Variants in PIK3C2G observed in about 807,000 individuals in gnomAD.
The protein encoded by PIK3C2G is phosphatidylinositol-4-phosphate 3-kinase catalytic subunit type 2 gamma, also known as phosphatidylinositol 3-kinase C2 domain-containing subunit gamma.
A neutral mutation model predicts 181.1 loss-of-function variants in PIK3C2G; 168 were observed. The observed-to-expected ratio is 0.93, with a 90% CI of 0.82 to 1.05. PIK3C2G has a LOEUF of 1.05. Among genes scored for constraint, PIK3C2G ranks in the 50% least tolerant of loss-of-function variants. The pLI is 0.00. For missense variants in PIK3C2G, 1,869 were observed against 1,732.8 expected (o/e 1.08, Z -1.40); for synonymous variants, 573 against 592.2 (o/e 0.97, Z 0.47).
chr12:18,573,309 T>G (rs1290673143), intron 29 of PIK3C2G, among the ~76,000 whole-genome samples: 1 of 152,206 alleles, frequency 6.6e-6, no homozygotes, highest in African/African-American at 2.4e-5. Flanking sequence ...TGTGAGGGCC[T>G]CTTTCTGGTT....
chr12:18,575,094 T>C (rs1946164019), intron 29 of PIK3C2G, among the ~76,000 whole-genome samples: 1 of 152,052 alleles, frequency 6.6e-6, no homozygotes, highest in Non-Finnish European at 1.5e-5. Flanking sequence ...GTCATAGGGG[T>C]CCTAAGCACT....
At chr12:18,685,187 C>T in the PIK3C2G span, among the ~76,000 whole-genome samples, 1 of 152,036 alleles carries the variant, frequency 6.6e-6, no homozygotes, top group African/African-American at 2.4e-5. Flanking sequence ...AACTCTTGAT[C>T]CTTCTTTAGA....
At chr12:18,389,464 C>T (rs545113851) in intron 14 of PIK3C2G, among the ~76,000 whole-genome samples, 13 of 152,136 alleles carry the variant, frequency 8.5e-5, no homozygotes, top group East Asian at 3.9e-4. Context: ...AACAATGAAG[C>T]GCAGCTTTGG....
At chr12:18,288,079 T>G (rs893647477) in intron 3 of PIK3C2G, among the ~76,000 whole-genome samples, 1 of 152,170 alleles carries the variant, frequency 6.6e-6, no homozygotes, top group Non-Finnish European at 1.5e-5. Flanking sequence ...GGAGAATCAC[T>G]TGGACCTGGG....
chr12:18,399,660 C>T lies in PIK3C2G; in HGVS notation c.2128C>T (p.Leu710Phe), dbSNP rs61754413. 4.3e-3 allele frequency: 6,631 copies of T among 1,536,788 alleles called. 28 individuals are homozygous for T. The highest frequency in any genetic ancestry group is 5.4e-3 in the Non-Finnish European group (6,134 of 1,130,578). ...ACAGTTTCCAATCTGGTTTTTCAGA[C>T]TCTCTGAAGAAAAGAAAAGATATTT... Reference protein sequence around the residue: ...RLSQKQTPLLLSEEKKRYLWF... With the variant: ...RLSQKQTPLLFSEEKKRYLWF... Residue 710 changes from leucine to phenylalanine, a missense_variant and splice_region_variant, in exon 16 of 33, where the codon CTC becomes TTC. By Grantham distance (22) the Leu-to-Phe change is conservative. Coordinates refer to ENST00000538779, the MANE Select transcript of PIK3C2G (RefSeq NM_001288772.2).
At chr12:18,546,526 G>T (rs1022433234) in intron 26 of PIK3C2G, 94 bp downstream of exon 26, 3 of 712,188 alleles carry the variant, frequency 4.2e-6, no homozygotes, top group Admixed American at 2.2e-5. Flanking sequence ...CCAGTCATTG[G>T]TATGAAGCTG....
the PIK3C2G span, among the ~76,000 whole-genome samples, chr12:18,708,989 C>T: frequency 6.6e-6 from 1 of 152,044 alleles, no homozygotes; most frequent in Non-Finnish European, 1.5e-5. Flanking sequence ...TTGATTGTTT[C>T]CTTTGCTGTG....
intron 11 of PIK3C2G, among the ~76,000 whole-genome samples, chr12:18,355,434 G>C (rs1168845360): frequency 6.6e-6 from 1 of 152,176 alleles, no homozygotes; most frequent in Non-Finnish European, 1.5e-5. Flanking sequence ...TGCTTTCTAC[G>C]AATAGGTTAC....
rs201260760 is a variant in PIK3C2G at position 18,562,783 on chromosome 12, G to A, written c.3671G>A (p.Ser1224Asn). The A allele has an allele frequency of 6.8e-6, 11 of 1,608,160 alleles. No individual in the cohort carries two copies. In the East Asian group the frequency reaches 8.9e-5, roughly 13 times the overall value. The change falls in exon 27 of 33, where the codon AGC (serine) becomes AAC (asparagine). Residue 1224 changes from serine to asparagine, a missense_variant. Transcript: ENST00000538779. The stretch of plus-strand genomic sequence containing the variant: ...ACACTTGCACAAATGTCAGCCATAA[G>A]CCCTGCCAAATCTACTTCACAGACT... ...IHTLAQMSAI[S>N]PAKSTSQTFP...
At chr12:18,316,920 C>T (rs572142701) in intron 6 of PIK3C2G, among the ~76,000 whole-genome samples, 3 of 151,850 alleles carry the variant, frequency 2.0e-5, no homozygotes, top group Non-Finnish European at 4.4e-5. Flanking sequence ...GGGGATGCAA[C>T]TGACACTGAT....
chr12:18,540,609 A>G (rs769176607), intron 25 of PIK3C2G, among the ~76,000 whole-genome samples: 16 of 152,026 alleles, frequency 1.1e-4, no homozygotes, highest in Non-Finnish European at 1.9e-4. Context: ...TAACTGTGGT[A>G]TTTTATTCAT....
At chr12:18,663,497 A>G in the PIK3C2G span, among the ~76,000 whole-genome samples, 3 of 152,158 alleles carry the variant, frequency 2.0e-5, no homozygotes, top group Non-Finnish European at 4.4e-5. Flanking sequence ...ATGCTATTTT[A>G]TATCAGAGAT....
chr12:18,262,991 G>C (rs1948313837), intron 1 of PIK3C2G, among the ~76,000 whole-genome samples: 1 of 152,020 alleles, frequency 6.6e-6, no homozygotes, highest in Admixed American at 6.6e-5. Context: ...CATTTTAACT[G>C]TTATCAGTTC....
intron 28 of PIK3C2G, among the ~76,000 whole-genome samples, chr12:18,565,742 A>G (rs138296199): frequency 1.3e-5 from 2 of 152,186 alleles, no homozygotes; most frequent in African/African-American, 4.8e-5. Context: ...TCATTTATAC[A>G]TAAGATGTTT....
intron 31 of PIK3C2G, among the ~76,000 whole-genome samples, chr12:18,610,579 A>T (rs1000941587): frequency 1.3e-5 from 2 of 152,134 alleles, no homozygotes; most frequent in Non-Finnish European, 1.5e-5. Context: ...TTTTTGTAGT[A>T]TCTGGGCAAA....
chr12:18,622,448 A>G (rs190214409), intron 31 of PIK3C2G, among the ~76,000 whole-genome samples: 1 of 152,030 alleles, frequency 6.6e-6, no homozygotes, highest in African/African-American at 2.4e-5. Context: ...TTCTTTATCC[A>G]TTCATTACTT....
intron 24 of PIK3C2G, among the ~76,000 whole-genome samples, chr12:18,511,649 A>AT (rs369922605): frequency 5.3e-5 from 8 of 151,678 alleles, no homozygotes; most frequent in Admixed American, 2.0e-4. Flanking sequence ...TTCTTTGCTT[A>AT]TTTTTTTAAT....
rs994796375 is a variant in PIK3C2G at position 18,640,410 on chromosome 12, T to C, written c.4183-19T>C. The C allele has an allele frequency of 1.3e-5, 21 of 1,599,970 alleles. No homozygotes were observed. Among genetic ancestry groups the C allele is most frequent in the African/African-American group, 4.0e-5 (3 of 74,606 alleles). Reference sequence around the variant, plus strand: ...TGATAGCAACATGCATTAATATTTATAACCATTTTCCTTTGCAGCATCTCC... The same window carrying C: ...TGATAGCAACATGCATTAATATTTACAACCATTTTCCTTTGCAGCATCTCC... On this transcript the variant is annotated intron_variant, in intron 31 of 32. Transcript: ENST00000538779.
chr12:18,530,177 A>C (rs1432864239), intron 24 of PIK3C2G, among the ~76,000 whole-genome samples: 1 of 152,156 alleles, frequency 6.6e-6, no homozygotes, highest in Non-Finnish European at 1.5e-5. Flanking sequence ...TTTCTTGAGA[A>C]AAATAAAATC....
Sources: gnomAD v4.1 joint callset for allele counts (sites outside exome capture counted in the v4.1 genomes callset) on GRCh38, gnomAD v4.1.1 for gene constraint, MANE v1.5 for transcripts, NCBI Gene and HGNC (gene_info 2026-07-23, HGNC 2026-07-21) for gene names.